The following RGS6 variants were observed in gnomAD, a reference collection of about 807,000 sequenced individuals.
RGS6 encodes regulator of G-protein signaling 6.
A neutral mutation model predicts 78.5 loss-of-function variants in RGS6; 30 were observed. That is an observed-to-expected ratio of 0.38 (90% CI 0.29 to 0.52). The LOEUF (loss-of-function observed/expected upper bound fraction) is 0.52. RGS6 is among the 20% of genes least tolerant of loss of function. RGS6 has a pLI of 0.85. For synonymous variants in RGS6, 206 were observed against 206.0 expected (o/e 1.00, Z 0.00); for missense variants, 495 against 609.7 (o/e 0.81, Z 1.98).
At chr14:71,962,087 A>G (rs1003680276) in intron 1 of RGS6, among the ~76,000 whole-genome samples, 2 of 152,242 alleles carry the variant, frequency 1.3e-5, no homozygotes, top group Non-Finnish European at 2.9e-5. Context: ...CTTTCTAGAC[A>G]CAGGAAAGCT....
At chr14:72,101,527 CAG>C (rs1041436514) in intron 2 of RGS6, among the ~76,000 whole-genome samples, 18 of 152,190 alleles carry the variant, frequency 1.2e-4, no homozygotes, top group Non-Finnish European at 2.2e-4. Context: ...GTAGCTGTGG[CAG>C]GAGGCTTTCT....
At chr14:72,432,476 G>C (rs968933693) in intron 3 of RGS6, among the ~76,000 whole-genome samples, 3 of 152,224 alleles carry the variant, frequency 2.0e-5, no homozygotes, top group African/African-American at 7.2e-5. Flanking sequence ...AGACAGTGGA[G>C]AAGATAAGAC....
intron 3 of RGS6, among the ~76,000 whole-genome samples, chr14:72,438,903 G>T (rs930515673): frequency 5.9e-5 from 9 of 152,192 alleles, no homozygotes; most frequent in African/African-American, 2.2e-4. Context: ...GTTCTGTGTG[G>T]CCAACCTCCA....
intron 2 of RGS6, among the ~76,000 whole-genome samples, chr14:72,291,032 C>G (rs952622165): frequency 6.6e-6 from 1 of 152,036 alleles, no homozygotes; most frequent in Middle Eastern, 3.2e-3. Context: ...ACTCTACACT[C>G]TTTTCCCTGC....
chr14:72,597,247 AG>A, the RGS6 span, among the ~76,000 whole-genome samples: 94 of 134,560 alleles, frequency 7.0e-4, no homozygotes, highest in Admixed American at 1.3e-3. Flanking sequence ...TCAAAAAAAA[AG>A]AAAGAGAGAG....
intron 2 of RGS6, among the ~76,000 whole-genome samples, chr14:72,299,224 A>G (rs28793378): frequency 0.029 from 4,359 of 152,284 alleles, 89 homozygotes; most frequent in Middle Eastern, 0.12. Context: ...TAATTTTAGA[A>G]CATTTTTATC....
intron 2 of RGS6, among the ~76,000 whole-genome samples, chr14:72,084,796 AT>A (rs1226669131): frequency 4.6e-5 from 7 of 152,022 alleles, no homozygotes; most frequent in African/African-American, 1.7e-4. Flanking sequence ...ACTAAATTTA[AT>A]TTTCACCAGC....
At chr14:72,441,737 G>A (rs902684529) in intron 3 of RGS6, among the ~76,000 whole-genome samples, 2 of 152,250 alleles carry the variant, frequency 1.3e-5, no homozygotes, top group African/African-American at 2.4e-5. Flanking sequence ...AGTGAGTTGG[G>A]TGTTTTTTGC....
chr14:72,470,421 G>A (rs1350088251), intron 8 of RGS6, among the ~76,000 whole-genome samples: 1 of 152,204 alleles, frequency 6.6e-6, no homozygotes, highest in Non-Finnish European at 1.5e-5. Context: ...CGTTGGACTG[G>A]AGATTTTGTC....
At chr14:72,273,778 A>G (rs1321483452) in intron 2 of RGS6, among the ~76,000 whole-genome samples, 1 of 152,182 alleles carries the variant, frequency 6.6e-6, no homozygotes, top group Non-Finnish European at 1.5e-5. Context: ...AGCAGATCTG[A>G]AAATAGTAAG....
intron 2 of RGS6, among the ~76,000 whole-genome samples, chr14:72,304,989 C>T (rs1364797553): frequency 2.0e-5 from 3 of 152,222 alleles, no homozygotes; most frequent in African/African-American, 4.8e-5. Context: ...ACATCCTCAT[C>T]AACCCAGGAC....
intron 2 of RGS6, among the ~76,000 whole-genome samples, chr14:72,107,393 C>G (rs1037102694): frequency 2.6e-5 from 4 of 152,136 alleles, no homozygotes; most frequent in Admixed American, 6.6e-5. Context: ...ATAACTCTAG[C>G]ACTATTTGAT....
intron 2 of RGS6, among the ~76,000 whole-genome samples, chr14:72,302,610 A>G (rs1045737478): frequency 6.6e-6 from 1 of 152,260 alleles, no homozygotes; most frequent in African/African-American, 2.4e-5. Flanking sequence ...ATTGAAGTAA[A>G]TCCAAGCAAT....
At chr14:72,593,789 T>A in the RGS6 span, among the ~76,000 whole-genome samples, 1 of 152,092 alleles carries the variant, frequency 6.6e-6, no homozygotes, top group Non-Finnish European at 1.5e-5. Flanking sequence ...GTGATTTCTT[T>A]AAAAAAACAA....
At chr14:72,293,721 T>C (rs1051667001) in intron 2 of RGS6, among the ~76,000 whole-genome samples, 2 of 152,214 alleles carry the variant, frequency 1.3e-5, no homozygotes, top group Admixed American at 6.5e-5. Context: ...CATTTCATTA[T>C]TTTGGAGTAT....
intron 2 of RGS6, among the ~76,000 whole-genome samples, chr14:72,216,312 C>T (rs966183013): frequency 6.6e-6 from 1 of 152,150 alleles, no homozygotes; most frequent in Non-Finnish European, 1.5e-5. Context: ...AGTATTTTAG[C>T]TATTGGATTA....
intron 17 of RGS6, among the ~76,000 whole-genome samples, chr14:72,551,575 G>C (rs1009466279): frequency 6.6e-6 from 1 of 152,114 alleles, no homozygotes; most frequent in Non-Finnish European, 1.5e-5. Flanking sequence ...TGAGAACAAC[G>C]GTCCCTTTAG....
intron 14 of RGS6, among the ~76,000 whole-genome samples, chr14:72,514,304 G>C (rs528342264): frequency 1.5e-4 from 23 of 152,336 alleles, no homozygotes; most frequent in African/African-American, 5.5e-4. Context: ...ACCAAAAGCT[G>C]TATTTTCTAA....
At chr14:72,588,592 T>C in the RGS6 span, among the ~76,000 whole-genome samples, 13 of 152,178 alleles carry the variant, frequency 8.5e-5, no homozygotes, top group South Asian at 2.1e-4. Context: ...TTCTGAGTAA[T>C]GAGCATTATT....
Sources: allele counts gnomAD v4.1 joint callset (sites outside exome capture counted in the v4.1 genomes callset), GRCh38; gene constraint gnomAD v4.1.1; transcripts MANE v1.5; gene names NCBI Gene and HGNC (gene_info 2026-07-23, HGNC 2026-07-21).